The following NRG3 variants were observed in gnomAD, a reference collection of about 807,000 sequenced individuals.
NRG3 encodes neuregulin 3, also known as pro-neuregulin-3, membrane-bound isoform.
NRG3 carries 31 observed loss-of-function variants against 66.9 expected under a neutral mutation model. That is an observed-to-expected ratio of 0.46 (90% CI 0.35 to 0.63). The LOEUF (loss-of-function observed/expected upper bound fraction) is 0.63. NRG3 is among the 20% of genes least tolerant of loss of function. The pLI is 0.00. For synonymous variants in NRG3, 393 were observed against 359.4 expected, an observed-to-expected ratio of 1.09 and a Z score of -1.06; for missense variants, 910 against 878.9, an observed-to-expected ratio of 1.04 and a Z score of -0.45.
intron 1 of NRG3, among the ~76,000 whole-genome samples, chr10:82,063,258 A>T (rs913584367): frequency 1.3e-5 from 2 of 151,702 alleles, no homozygotes; most frequent in East Asian, 3.9e-4. Context: ...TAGGTTTATC[A>T]TCATTTTACA....
At chr10:82,210,745 T>G (rs1442099372) in intron 1 of NRG3, among the ~76,000 whole-genome samples, 1 of 152,168 alleles carries the variant, frequency 6.6e-6, no homozygotes, top group Non-Finnish European at 1.5e-5. Flanking sequence ...GCAAAATGTA[T>G]TGTCAAAACA....
chr10:82,418,554 T>C (rs895262335), intron 2 of NRG3, among the ~76,000 whole-genome samples: 6 of 151,080 alleles, frequency 4.0e-5, no homozygotes, highest in South Asian at 2.2e-4. Context: ...GAAGAAGTTA[T>C]GACATTATGT....
intron 4 of NRG3, among the ~76,000 whole-genome samples, chr10:82,886,088 G>A (rs1483005322): frequency 6.6e-6 from 1 of 151,954 alleles, no homozygotes; most frequent in African/African-American, 2.4e-5. Flanking sequence ...CTGGTCTCGA[G>A]GTCCTGACCT....
rs1412090788 is a variant in NRG3 at position 81,876,008 on chromosome 10, C to A, written c.668C>A (p.Ser223Tyr). ...PGTPSTQAMP[S>Y]WPTAAYATSS... ...ACTCCAAGTACCCAGGCAATGCCCT[C>A]CTGGCCTACTGCGGCATACGCTACC... The change falls in exon 1 of 9, where the codon TCC becomes TAC. Residue 223 changes from serine (S) to tyrosine (Y), a missense_variant. Transcript: ENST00000372141. The A allele has an allele frequency of 5.0e-6, 8 of 1,613,958 alleles. No homozygotes were observed. The highest frequency in any genetic ancestry group is 6.8e-6 in the Non-Finnish European group (8 of 1,180,044).
intron 3 of NRG3, among the ~76,000 whole-genome samples, chr10:82,761,876 C>G (rs928180974): frequency 8.0e-5 from 12 of 150,364 alleles, no homozygotes; most frequent in Admixed American, 7.9e-4. Context: ...TCCTTTTTTT[C>G]TTCTTTCTTC....
intron 1 of NRG3, among the ~76,000 whole-genome samples, chr10:82,225,743 A>T (rs1749550704): frequency 6.6e-6 from 1 of 152,190 alleles, no homozygotes; most frequent in African/African-American, 2.4e-5. Flanking sequence ...TCAGGTTTGG[A>T]ATCCCCTTCC....
intron 2 of NRG3, among the ~76,000 whole-genome samples, chr10:82,464,369 C>T (rs1017831085): frequency 6.6e-6 from 1 of 152,122 alleles, no homozygotes; most frequent in Non-Finnish European, 1.5e-5. Context: ...TGAGAAGCAC[C>T]GAGTGCATTT....
At chr10:82,574,705 C>G (rs2045934580) in intron 2 of NRG3, among the ~76,000 whole-genome samples, 1 of 151,580 alleles carries the variant, frequency 6.6e-6, no homozygotes, top group Non-Finnish European at 1.5e-5. Flanking sequence ...ATACATAATG[C>G]AATACTATTC....
intron 2 of NRG3, among the ~76,000 whole-genome samples, chr10:82,671,763 C>T (rs552967619): frequency 5.9e-5 from 9 of 152,294 alleles, no homozygotes; most frequent in Non-Finnish European, 1.2e-4. Flanking sequence ...AAAAGTAGAA[C>T]CAGAATTAGG....
intron 1 of NRG3, among the ~76,000 whole-genome samples, chr10:82,020,903 C>A (rs1453289787): frequency 6.6e-6 from 1 of 152,074 alleles, no homozygotes; most frequent in South Asian, 2.1e-4. Context: ...GCAGAGACAT[C>A]CAATCCTGCT....
chr10:81,940,171 G>A (rs1295472518), intron 1 of NRG3, among the ~76,000 whole-genome samples: 1 of 151,984 alleles, frequency 6.6e-6, no homozygotes, highest in Non-Finnish European at 1.5e-5. Context: ...GTTAAGACTT[G>A]TTTTGTGCTA....
chr10:82,854,935 C>T (rs922506757), intron 3 of NRG3, among the ~76,000 whole-genome samples: 3 of 152,126 alleles, frequency 2.0e-5, no homozygotes, highest in African/African-American at 7.2e-5. Flanking sequence ...AGATGAATAT[C>T]TTGGGCAGTT....
At chr10:81,884,791 A>T (rs1383026134) in intron 1 of NRG3, among the ~76,000 whole-genome samples, 3 of 152,168 alleles carry the variant, frequency 2.0e-5, no homozygotes, top group Non-Finnish European at 2.9e-5. Flanking sequence ...CTGTACAAAA[A>T]ATTGTACATA....
chr10:82,023,037 T>G (rs2132774065), intron 1 of NRG3, among the ~76,000 whole-genome samples: 1 of 151,756 alleles, frequency 6.6e-6, no homozygotes, highest in East Asian at 1.9e-4. Flanking sequence ...TATTCTTTCT[T>G]TGGGTTGGGA....
At chr10:82,652,948 T>C (rs1269060825) in intron 2 of NRG3, among the ~76,000 whole-genome samples, 1 of 152,186 alleles carries the variant, frequency 6.6e-6, no homozygotes. Context: ...AATGTTTCTC[T>C]AGGGTTGGAG....
chr10:82,739,377 G>A (rs1461560344), intron 3 of NRG3, among the ~76,000 whole-genome samples: 1 of 152,144 alleles, frequency 6.6e-6, no homozygotes, highest in Non-Finnish European at 1.5e-5. Flanking sequence ...CTAAAAAATG[G>A]GGATTTTCAT....
At chr10:82,786,810 A>G (rs988111890) in intron 3 of NRG3, among the ~76,000 whole-genome samples, 4 of 152,142 alleles carry the variant, frequency 2.6e-5, no homozygotes, top group Admixed American at 2.0e-4. Context: ...TTTCACGAGT[A>G]GGTTAATGCC....
At chr10:82,376,230 T>G (rs565555381) in intron 2 of NRG3, among the ~76,000 whole-genome samples, 2 of 152,304 alleles carry the variant, frequency 1.3e-5, no homozygotes, top group Admixed American at 6.5e-5. Context: ...AGAGTTGAAC[T>G]GGCCAGATTC....
intron 1 of NRG3, among the ~76,000 whole-genome samples, chr10:82,300,027 C>T (rs538850808): frequency 1.1e-4 from 16 of 152,158 alleles, no homozygotes; most frequent in Admixed American, 2.6e-4. Context: ...CACGTGTACA[C>T]GCACACACAC....
Sources: allele counts gnomAD v4.1 joint callset (sites outside exome capture counted in the v4.1 genomes callset), GRCh38; gene constraint gnomAD v4.1.1; transcripts MANE v1.5; gene names NCBI Gene and HGNC (gene_info 2026-07-23, HGNC 2026-07-21).